Variants in CCL27 observed in about 807,000 individuals in gnomAD.
CCL27 encodes C-C motif chemokine 27.
CCL27 carries 8 observed loss-of-function variants against 7.7 expected under a neutral mutation model. The ratio of observed to expected loss-of-function variants is 1.04; its 90% CI spans 0.61 to 1.88. The LOEUF is 1.88. Ranked by LOEUF, CCL27 falls within the 40% of genes most tolerant of loss-of-function variation. The pLI, the probability that CCL27 is intolerant of heterozygous loss-of-function variation, is 0.00. For missense variants in CCL27, 130 were observed against 130.0 expected, an observed-to-expected ratio of 1.00 and a Z score of 0.00; for synonymous variants, 49 against 53.2, an observed-to-expected ratio of 0.92 and a Z score of 0.34.
intron 1 of CCL27, 54 bp downstream of exon 1, chr9:34,662,510 C>T: frequency 6.2e-7 from 1 of 1,612,370 alleles, no homozygotes; most frequent in African/African-American, 1.3e-5. Flanking sequence ...TGGGTCTTTT[C>T]AACTTCATCC....
At position 34,662,295 on chromosome 9, in the gene CCL27, G is replaced by A. The variant is rs746651512; in HGVS notation, c.192C>T (p.Leu64=). Residue 64 remains leucine, a synonymous_variant, in exon 2 of 3, where the codon CTC becomes CTT. Transcript: ENST00000259631. ...GGGTGGGAGCTCACACGAAAGCCTG[G>A]AGGTGACAGTCCCCGTCAGCCTCCT... ...ELQEADGDCH[L]QAFVLHLAQR... 3.1e-6 allele frequency: 5 copies of A among 1,614,028 alleles called. No individual in the cohort carries two copies. The highest frequency in any genetic ancestry group is 4.2e-6 in the Non-Finnish European group (5 of 1,180,006).
intron 2 of CCL27, 96 bp downstream of exon 2, chr9:34,662,188 G>GT: frequency 2.5e-6 from 4 of 1,605,054 alleles, no homozygotes; most frequent in Non-Finnish European, 3.4e-6. Context: ...GAAAACCTGA[G>GT]TTGGCAACAG....
At chr9:34,662,456 C>T in intron 1 of CCL27, 40 bp from the exon 2 acceptor site, 4 of 1,613,860 alleles carry the variant, frequency 2.5e-6, no homozygotes, top group Non-Finnish European at 3.4e-6. Flanking sequence ...GGATCCTGAC[C>T]AAGAACCTCT....
chr9:34,662,045 G>T lies in CCL27; in HGVS notation c.238C>A (p.Pro80Thr), dbSNP rs772954013. The change falls in exon 3 of 3, where the codon CCC (proline) becomes ACC (threonine). Residue 80 changes from proline (P) to threonine (T), a missense_variant. Transcript: ENST00000259631. ...CACTGTGACAGGCTGGGGTTCTGGG[G>T]GTGGATGCAGATGCTGCGTTGAGCC... ...HLAQRSICIH[P>T]QNPSLSQWFE... The T allele has an allele frequency of 5.6e-6, 9 of 1,614,086 alleles. No homozygotes were observed. Among genetic ancestry groups the T allele is most frequent in the Non-Finnish European group, 7.6e-6 (9 of 1,180,036 alleles).
At position 34,662,639 on chromosome 9, in the gene CCL27, T is replaced by C; in HGVS notation, c.-6A>G. The C allele has an allele frequency of 6.2e-7, 1 of 1,610,458 alleles. No individual in the cohort carries two copies. The highest frequency in any genetic ancestry group is 8.5e-7 in the Non-Finnish European group (1 of 1,178,414). On this transcript the variant is annotated 5_prime_UTR_variant, in exon 1 of 3. Coordinates refer to ENST00000259631, the MANE Select transcript of CCL27 (RefSeq NM_006664.4). ...AAGGTTGGGGGCCCCTTCATGTTGC[T>C]CAGCCTAGACTCTTCCTTCTCTCTC...
chr9:34,662,015 C>T lies in CCL27; in HGVS notation c.268G>A (p.Glu90Lys), dbSNP rs368357107. The change falls in exon 3 of 3, where the codon GAG becomes AAG. Residue 90 changes from glutamate to lysine, a missense_variant. Glu to Lys is a moderately conservative substitution (Grantham distance 56). Transcript: ENST00000259631. Reference protein sequence around the residue: ...PQNPSLSQWFEHQERKLHGTL... With the variant: ...PQNPSLSQWFKHQERKLHGTL... ...CCATGGAGCTTTCTCTCTTGGTGCT[C>T]AAACCACTGTGACAGGCTGGGGTTC... The T allele has an allele frequency of 6.2e-7, 1 of 1,614,202 alleles. No homozygotes were observed. Among genetic ancestry groups the T allele is most frequent in the South Asian group, 1.1e-5 (1 of 91,086 alleles).
At position 34,662,373 on chromosome 9, in the gene CCL27, G is replaced by A. The variant is rs756940791; in HGVS notation, c.114C>T (p.Tyr38=). 1.2e-6 allele frequency: 2 copies of A among 1,614,132 alleles called. No homozygotes were observed. Among genetic ancestry groups the A allele is most frequent in the African/African-American group, 1.3e-5 (1 of 75,030 alleles). ...GTAGCTTGTCTGAGAGTGGCTTTCG[G>A]TAGAGCTGAGTACAGCAGGCAGTGC... ...PPSTACCTQL[Y]RKPLSDKLLR... is the part of the protein sequence containing the mutation. The change falls in exon 2 of 3, where the codon TAC becomes TAT. Residue 38 remains tyrosine, a synonymous_variant. Coordinates refer to ENST00000259631, the MANE Select transcript of CCL27 (RefSeq NM_006664.4).
Position 34,662,310 on chromosome 9 carries a change from G to A in CCL27, c.177C>T (p.Asp59=), listed in dbSNP as rs372325707. Residue 59 remains aspartate (D), a synonymous_variant, in exon 2 of 3, where the codon GAC becomes GAT. Coordinates refer to ENST00000259631, the MANE Select transcript of CCL27 (RefSeq NM_006664.4). The part of the protein sequence containing the change: ...KVIQVELQEA[D]GDCHLQAFVL... ...CGAAAGCCTGGAGGTGACAGTCCCCGTCAGCCTCCTGCAGTTCCACCTGGA... is the reference window on the plus strand; with the variant it reads ...CGAAAGCCTGGAGGTGACAGTCCCCATCAGCCTCCTGCAGTTCCACCTGGA... The A allele has an allele frequency of 2.1e-3, 3,363 of 1,614,034 alleles. 97 individuals are homozygous for A. In the South Asian group the frequency reaches 0.034, roughly 16 times the overall value.
Position 34,662,538 on chromosome 9 carries a change from A to G in CCL27, c.70+26T>C, listed in dbSNP as rs780925964. 7 of 1,613,498 alleles carry G rather than the reference A, an allele frequency of 4.3e-6. No individual in the cohort carries two copies. In the South Asian group the frequency reaches 7.7e-5, roughly 18 times the overall value. On this transcript the variant is annotated intron_variant, in intron 1 of 2. Transcript: ENST00000259631. ...CTTCATCCCATTCACCCAGACCCCC[A>G]GCTTTCTATACCCCCAAGTACTCAC...
chr9:34,662,073 G>A lies in CCL27; in HGVS notation c.210C>T (p.His70=). Residue 70 remains histidine (H), a synonymous_variant, in exon 3 of 3, where the codon CAC becomes CAT. Coordinates refer to ENST00000259631, the MANE Select transcript of CCL27 (RefSeq NM_006664.4). ...GGATGCAGATGCTGCGTTGAGCCAG[G>A]TGAAGCCTGGGTAGAGAAAGGTCCA... The part of the protein sequence containing the change: ...GDCHLQAFVL[H]LAQRSICIHP... 6.2e-7 allele frequency: 1 copy of A among 1,614,184 alleles called. No individual in the cohort carries two copies. The highest frequency in any genetic ancestry group is 8.5e-7 in the Non-Finnish European group (1 of 1,180,032).
In CCL27 at chr9:34,662,424, CA is replaced by C; in HGVS notation, c.71-9del. The C allele has an allele frequency of 6.2e-7, 1 of 1,614,000 alleles. No individual in the cohort carries two copies. Among genetic ancestry groups the C allele is most frequent in the Non-Finnish European group, 8.5e-7 (1 of 1,179,970 alleles). ...TGGGTGGCAGTAGGAATGCTAGGGG[CA>C]ACAGGGCCATGTGTTCAGAGGGATC... On this transcript the variant is annotated splice_polypyrimidine_tract_variant and intron_variant, in intron 1 of 2. Coordinates refer to ENST00000259631, the MANE Select transcript of CCL27 (RefSeq NM_006664.4).
At chr9:34,662,256 G>A in intron 2 of CCL27, 28 bp downstream of exon 2, 2 of 1,613,222 alleles carry the variant, frequency 1.2e-6, no homozygotes, top group Non-Finnish European at 1.7e-6. Context: ...TGAGGTCAGA[G>A]TCAGGGGTAT....
In CCL27 at chr9:34,662,285, C is replaced by A. The variant is rs372580675; in HGVS notation, c.202G>T (p.Val68Leu). ...ADGDCHLQAF[V>L]LHLAQRSICI... The stretch of plus-strand genomic sequence containing the variant: ...GGGGTATCAGGGGTGGGAGCTCACA[C>A]GAAAGCCTGGAGGTGACAGTCCCCG... Residue 68 changes from valine to leucine, a missense_variant and splice_region_variant, in exon 2 of 3, where the codon GTG (valine) becomes TTG (leucine). Physicochemically the swap from Val to Leu is conservative, Grantham distance 32. Coordinates refer to ENST00000259631, the MANE Select transcript of CCL27 (RefSeq NM_006664.4). The A allele has an allele frequency of 5.6e-6, 9 of 1,613,720 alleles. No individual in the cohort carries two copies. The Admixed American group carries it at 6.7e-5, about 12-fold the overall frequency.
In CCL27 at chr9:34,662,307, C is replaced by T. The variant is rs1271244000; in HGVS notation, c.180G>A (p.Gly60=). 2 of 1,613,800 alleles carry T rather than the reference C, an allele frequency of 1.2e-6. No homozygotes were observed. The highest frequency in any genetic ancestry group is 1.7e-6 in the Non-Finnish European group (2 of 1,179,988). ...VIQVELQEAD[G]DCHLQAFVLH... Reference sequence around the variant, plus strand: ...ACACGAAAGCCTGGAGGTGACAGTCCCCGTCAGCCTCCTGCAGTTCCACCT... The same window carrying T: ...ACACGAAAGCCTGGAGGTGACAGTCTCCGTCAGCCTCCTGCAGTTCCACCT... The change falls in exon 2 of 3, where the codon GGG becomes GGA. Residue 60 remains glycine, a synonymous_variant. Coordinates refer to ENST00000259631, the MANE Select transcript of CCL27 (RefSeq NM_006664.4).
In CCL27 at chr9:34,662,642, G is replaced by A. The variant is rs1294138116; in HGVS notation, c.-9C>T. On this transcript the variant is annotated 5_prime_UTR_variant, in exon 1 of 3. Coordinates refer to ENST00000259631, the MANE Select transcript of CCL27 (RefSeq NM_006664.4). Reference sequence around the variant, plus strand: ...GTTGGGGGCCCCTTCATGTTGCTCAGCCTAGACTCTTCCTTCTCTCTCTCT... The same window carrying A: ...GTTGGGGGCCCCTTCATGTTGCTCAACCTAGACTCTTCCTTCTCTCTCTCT... 6.3e-7 allele frequency: 1 copy of A among 1,595,190 alleles called. No individual in the cohort carries two copies. The highest frequency in any genetic ancestry group is 8.5e-7 in the Non-Finnish European group (1 of 1,172,378).
At position 34,662,651 on chromosome 9, in the gene CCL27, C is replaced by T. The variant is rs753357678; in HGVS notation, c.-18G>A. On this transcript the variant is annotated 5_prime_UTR_variant, in exon 1 of 3. Transcript: ENST00000259631. ...CCCTTCATGTTGCTCAGCCTAGACT[C>T]TTCCTTCTCTCTCTCTCCTCCTCCC... The T allele has an allele frequency of 1.3e-6, 2 of 1,585,136 alleles. No individual in the cohort carries two copies. Among genetic ancestry groups the T allele is most frequent in the South Asian group, 1.2e-5 (1 of 86,752 alleles).
Position 34,662,432 on chromosome 9 carries a change from C to T in CCL27, c.71-16G>A. 6.2e-7 allele frequency: 1 copy of T among 1,613,972 alleles called. No individual in the cohort carries two copies. The highest frequency in any genetic ancestry group is 8.5e-7 in the Non-Finnish European group (1 of 1,179,958). On this transcript the variant is annotated splice_polypyrimidine_tract_variant and intron_variant, in intron 1 of 2. Coordinates refer to ENST00000259631, the MANE Select transcript of CCL27 (RefSeq NM_006664.4). ...AGTAGGAATGCTAGGGGCAACAGGG[C>T]CATGTGTTCAGAGGGATCCTGACCA...
At position 34,662,218 on chromosome 9, in the gene CCL27, G is replaced by A. The variant is rs1329976792; in HGVS notation, c.203+66C>T. The A allele has an allele frequency of 2.5e-6, 4 of 1,608,608 alleles. No homozygotes were observed. The African/African-American group carries it at 4.0e-5, about 16-fold the overall frequency. ...CAACAGAATTAGCAGTTAGGGCTGG[G>A]GTTGGGATCAGCATTAGGGGTTGGG... is the stretch of plus-strand genomic sequence containing the variant. On this transcript the variant is annotated intron_variant, in intron 2 of 2. Transcript: ENST00000259631.
chr9:34,662,656 TTC>T (rs770683965), exon 1 of CCL27: 130 of 1,578,058 alleles, frequency 8.2e-5, no homozygotes, highest in Non-Finnish European at 9.1e-5. Context: ...AGACTCTTCC[TTC>T]TCTCTCTCTC....
Sources: gnomAD v4.1 joint callset for allele counts on GRCh38, gnomAD v4.1.1 for gene constraint, MANE v1.5 for transcripts, NCBI Gene and HGNC (gene_info 2026-07-23, HGNC 2026-07-21) for gene names.